The following PSMF1 variants were observed in gnomAD, a reference collection of about 807,000 sequenced individuals.
The protein encoded by PSMF1 is proteasome inhibitor subunit 1, also known as proteasome inhibitor PI31 subunit.
Under a neutral mutation model 29.3 loss-of-function variants are expected in PSMF1, and 30 were observed. The ratio of observed to expected loss-of-function variants is 1.02; its 90% CI spans 0.77 to 1.39. The LOEUF is 1.39. Among genes scored for constraint, PSMF1 ranks in the 40% most tolerant of loss-of-function variants. The probability of loss-of-function intolerance (pLI) is 0.00; values close to 1 mark genes in which losing one functional copy is unlikely to be tolerated. For missense variants in PSMF1, 344 were observed against 357.5 expected (o/e 0.96, Z 0.31); for synonymous variants, 134 against 139.7 (o/e 0.96, Z 0.29).
chr20:1,132,325 G>C (rs553747730), intron 3 of PSMF1, among the ~76,000 whole-genome samples: 1 of 151,308 alleles, frequency 6.6e-6, no homozygotes, highest in African/African-American at 2.4e-5. Context: ...GCTCAGGCTG[G>C]AGTGCAGTGG....
intron 4 of PSMF1, among the ~76,000 whole-genome samples, chr20:1,144,031 T>G (rs1032189171): frequency 6.6e-6 from 1 of 152,094 alleles, no homozygotes; most frequent in African/African-American, 2.4e-5. Context: ...GAGGTTGCAG[T>G]GAGCCGAGAT....
chr20:1,123,210 C>G (rs2086112132), intron 1 of PSMF1, among the ~76,000 whole-genome samples: 1 of 152,210 alleles, frequency 6.6e-6, no homozygotes, highest in Admixed American at 6.5e-5. Context: ...TTTGGGATCT[C>G]TTTCCCCAGA....
chr20:1,154,495 T>C (rs1194241837), intron 4 of PSMF1, among the ~76,000 whole-genome samples: 1 of 152,222 alleles, frequency 6.6e-6, no homozygotes, highest in Non-Finnish European at 1.5e-5. Flanking sequence ...TTTGCAGTTA[T>C]CAGCATCTTC....
At chr20:1,134,308 A>G (rs1304097156) in intron 3 of PSMF1, among the ~76,000 whole-genome samples, 7 of 151,964 alleles carry the variant, frequency 4.6e-5, no homozygotes, top group Admixed American at 1.3e-4. Flanking sequence ...TCAGTGCTAT[A>G]TATTTCTTTT....
chr20:1,121,628 C>T (rs1464289832), intron 1 of PSMF1, among the ~76,000 whole-genome samples: 3 of 152,162 alleles, frequency 2.0e-5, no homozygotes, highest in African/African-American at 7.2e-5. Context: ...TGTTTCCACC[C>T]TTCTGGGGGT....
intron 3 of PSMF1, among the ~76,000 whole-genome samples, chr20:1,133,988 G>T (rs937313186): frequency 1.9e-5 from 1 of 51,666 alleles, no homozygotes; most frequent in African/African-American, 7.5e-5. Context: ...TGGTGACTGT[G>T]TCCTCTCTTT....
chr20:1,154,130 T>C (rs1029376003), intron 4 of PSMF1, among the ~76,000 whole-genome samples: 2 of 152,178 alleles, frequency 1.3e-5, no homozygotes, highest in South Asian at 4.1e-4. Flanking sequence ...AGCAATGAGA[T>C]CCAAAATGAT....
At position 1,168,409 on chromosome 20, in the gene PSMF1, G is replaced by A. The variant is rs577572012; in HGVS notation, c.*3329G>A. 9 of 152,222 alleles carry A rather than the reference G, an allele frequency of 5.9e-5. No homozygotes were observed. In the South Asian group the frequency reaches 6.2e-4, roughly 11 times the overall value. 9.4% of individuals were successfully genotyped at this position (152,222 alleles called of 1,614,324 possible). On this transcript the variant is annotated 3_prime_UTR_variant, in exon 7 of 7. Transcript: ENST00000335877. ...GTGGTGAAGTGCCATAGACCATTTC[G>A]GACCATTTCTATGATGTACCAGCAG... is the stretch of plus-strand genomic sequence containing the variant.
chr20:1,117,231 A>G (rs1315905181), upstream of PSMF1, among the ~76,000 whole-genome samples: 1 of 152,220 alleles, frequency 6.6e-6, no homozygotes, highest in Non-Finnish European at 1.5e-5. Flanking sequence ...GGGCTGGGGC[A>G]GGAGATGGCA....
intron 3 of PSMF1, among the ~76,000 whole-genome samples, chr20:1,131,788 C>CA (rs2122494224): frequency 6.6e-6 from 1 of 152,324 alleles, no homozygotes; most frequent in Non-Finnish European, 1.5e-5. Flanking sequence ...TTGCCACAAC[C>CA]AAAATGGCAG....
upstream of PSMF1, among the ~76,000 whole-genome samples, chr20:1,115,638 G>A (rs1332977880): frequency 1.3e-5 from 2 of 152,136 alleles, no homozygotes; most frequent in East Asian, 3.8e-4. Flanking sequence ...CACTCAGGAG[G>A]CAACATTGAC....
At chr20:1,154,819 A>G (rs1568480191) in intron 4 of PSMF1, among the ~76,000 whole-genome samples, 1 of 152,240 alleles carries the variant, frequency 6.6e-6, no homozygotes, top group Non-Finnish European at 1.5e-5. Context: ...GGTTGTTGAT[A>G]CTAGTTGTGC....
At chr20:1,135,041 C>G (rs543506522) in intron 3 of PSMF1, 80 bp from the exon 4 acceptor site, 1 of 1,471,964 alleles carries the variant, frequency 6.8e-7, no homozygotes, top group Admixed American at 1.7e-5. Context: ...CCGCCGCCGC[C>G]GCCGTCGTTG....
At chr20:1,132,404 T>C (rs913461500) in intron 3 of PSMF1, among the ~76,000 whole-genome samples, 6 of 152,164 alleles carry the variant, frequency 3.9e-5, no homozygotes, top group African/African-American at 1.4e-4. Context: ...ACCTTCTGAG[T>C]AGCTGGGACT....
At chr20:1,138,564 C>T (rs1259896642) in intron 4 of PSMF1, among the ~76,000 whole-genome samples, 1 of 148,020 alleles carries the variant, frequency 6.8e-6, no homozygotes, top group African/African-American at 2.5e-5. Context: ...ACTACATGTT[C>T]ATCTCGATAG....
intron 1 of PSMF1, among the ~76,000 whole-genome samples, chr20:1,123,850 G>T (rs6077826): frequency 0.4 from 61,538 of 152,102 alleles, 13,314 homozygotes; most frequent in Admixed American, 0.48. Flanking sequence ...ACAGACATCT[G>T]GCAAAAAATA....
chr20:1,127,657 G>GT (rs2086176525), intron 3 of PSMF1, 149 bp downstream of exon 3: 5 of 678,604 alleles, frequency 7.4e-6, no homozygotes, highest in Non-Finnish European at 1.3e-5. Context: ...TTTCTTTTCT[G>GT]TTTTTTATGT....
chr20:1,121,897 AG>A (rs2122448719), intron 1 of PSMF1, among the ~76,000 whole-genome samples: 2 of 152,322 alleles, frequency 1.3e-5, no homozygotes, highest in East Asian at 3.9e-4. Flanking sequence ...TTGGGTGCCA[AG>A]GGGATAGGTA....
chr20:1,152,423 C>G (rs1378440757), intron 4 of PSMF1, among the ~76,000 whole-genome samples: 1 of 152,148 alleles, frequency 6.6e-6, no homozygotes. Flanking sequence ...AAGAAATGAA[C>G]TTGGCTTGGA....
Sources: allele counts gnomAD v4.1 joint callset (sites outside exome capture counted in the v4.1 genomes callset), GRCh38; gene constraint gnomAD v4.1.1; transcripts MANE v1.5; gene names NCBI Gene and HGNC (gene_info 2026-07-23, HGNC 2026-07-21).